PTPRS: variants seen among roughly 807,000 people sequenced by gnomAD.
The protein encoded by PTPRS is protein tyrosine phosphatase receptor type S.
A neutral mutation model predicts 215.3 loss-of-function variants in PTPRS; 63 were observed. That is an observed-to-expected ratio of 0.29 (90% CI 0.24 to 0.36). PTPRS has a LOEUF of 0.36. Among genes scored for constraint, PTPRS ranks in the 10% least tolerant of loss-of-function variants. The pLI is 1.00. For missense variants in PTPRS, 2,258 were observed against 2,825.8 expected (o/e 0.80, Z 4.56); for synonymous variants, 1,404 against 1,191.4 (o/e 1.18, Z -3.68).
intron 13 of PTPRS, among the ~76,000 whole-genome samples, chr19:5,234,943 CT>C (rs113097365): frequency 0.12 from 15,891 of 137,634 alleles, 906 homozygotes; most frequent in African/African-American, 0.2. Context: ...TTCTTTCTTT[CT>C]TTTTTTTTTT....
intron 8 of PTPRS, among the ~76,000 whole-genome samples, chr19:5,256,727 G>A (rs1005148624): frequency 2.6e-5 from 4 of 151,920 alleles, no homozygotes; most frequent in African/African-American, 9.7e-5. Context: ...CCCACCACCC[G>A]TCCATACACC....
intron 16 of PTPRS, 150 bp from the exon 17 acceptor site, chr19:5,225,994 C>T (rs770426971): frequency 1.1e-5 from 7 of 663,018 alleles, no homozygotes; most frequent in East Asian, 8.2e-5. Flanking sequence ...GACCACGACA[C>T]GTGGCATGGC....
intron 11 of PTPRS, 29 bp from the exon 12 acceptor site, chr19:5,240,361 G>C (rs779568032): frequency 6.4e-7 from 1 of 1,552,678 alleles, no homozygotes; most frequent in South Asian, 1.2e-5. Context: ...ACAACTAGGA[G>C]TCGGGGAGCG....
Position 5,244,578 on chromosome 19 carries a change from C to A in PTPRS, c.989-96G>T. ...TCACCATTCAGTCGCCTTCTCTGAG[C>A]CTTGATTTGCCCAGCAGTAATCATG... On this transcript the variant is annotated intron_variant, in intron 10 of 37. Transcript: ENST00000262963. This position sits in a 1 kb window ranked among gnomAD's most constrained non-coding sequence, Gnocchi z 7.2. 2.0e-6 allele frequency: 2 copies of A among 984,584 alleles called. No homozygotes were observed. The highest frequency in any genetic ancestry group is 2.6e-5 in the East Asian group (1 of 39,030). The allele number at this position is 984,584 out of a possible 1,614,324, so 61.0% of individuals were successfully genotyped here. A position where few individuals can be genotyped will look rare whatever the true frequency, so the allele number is the denominator to read the frequency against.
intron 1 of PTPRS, among the ~76,000 whole-genome samples, chr19:5,291,328 G>A (rs903913750): frequency 6.6e-6 from 1 of 152,076 alleles, no homozygotes; most frequent in Non-Finnish European, 1.5e-5. Context: ...CTCACCAAGG[G>A]TCCTGCATGG....
At chr19:5,225,514 G>A (rs1206251561) in intron 17 of PTPRS, among the ~76,000 whole-genome samples, 2 of 151,276 alleles carry the variant, frequency 1.3e-5, no homozygotes, top group Non-Finnish European at 3.0e-5. Flanking sequence ...CGGGGGGACA[G>A]GAAGTGAGTG....
intron 1 of PTPRS, among the ~76,000 whole-genome samples, chr19:5,304,593 G>T (rs1197410204): frequency 6.6e-6 from 1 of 152,216 alleles, no homozygotes; most frequent in African/African-American, 2.4e-5. Context: ...AGGTTGCAGT[G>T]AGCTGCGATC....
At chr19:5,233,976 A>AAAAAAAAAAAAAAC (rs1479396791) in intron 13 of PTPRS, among the ~76,000 whole-genome samples, 1 of 134,836 alleles carries the variant, frequency 7.4e-6, no homozygotes, top group Non-Finnish European at 1.6e-5. Context: ...AAAAAAAAAA[A>AAAAAAAAAAAAAAC]ATCTATATGT....
intron 1 of PTPRS, among the ~76,000 whole-genome samples, chr19:5,306,954 G>T (rs539337593): frequency 2.0e-5 from 3 of 152,286 alleles, no homozygotes; most frequent in South Asian, 4.2e-4. Flanking sequence ...AAGTACTCAC[G>T]GCAAAAGGCT....
chr19:5,223,851 C>G (rs938845160), intron 17 of PTPRS, among the ~76,000 whole-genome samples: 1 of 151,238 alleles, frequency 6.6e-6, no homozygotes, highest in Non-Finnish European at 1.5e-5. Context: ...TGTGAGCCAC[C>G]GTGCCCAGCC....
rs2049056167 is a variant in PTPRS at position 5,294,294 on chromosome 19, GAGAA to G, written c.-94-8064_-94-8061del. On this transcript the variant is annotated intron_variant, in intron 1 of 37. Transcript: ENST00000262963. The surrounding 1 kb of genome is among the most constrained non-coding windows in gnomAD (Gnocchi z 5.1). The stretch of plus-strand genomic sequence containing the variant: ...CCCCCATTCTGCAAAGAACGGAGCC[GAGAA>G]AGAGAGAGAAACGGCTGCCCACGGC... 1 of 152,518 alleles carries G rather than the reference GAGAA, an allele frequency of 6.6e-6. No individual in the cohort carries two copies. Among genetic ancestry groups the G allele is most frequent in the Admixed American group, 6.5e-5 (1 of 15,288 alleles). 9.4% of individuals were successfully genotyped at this position (152,518 alleles called of 1,614,324 possible).
chr19:5,296,275 G>A (rs1293370890), intron 1 of PTPRS, among the ~76,000 whole-genome samples: 1 of 152,206 alleles, frequency 6.6e-6, no homozygotes, highest in African/African-American at 2.4e-5. Context: ...GATGAGGAGG[G>A]AGGATCGCCT....
intron 1 of PTPRS, among the ~76,000 whole-genome samples, chr19:5,308,271 A>G (rs901450495): frequency 6.6e-6 from 1 of 152,158 alleles, no homozygotes; most frequent in African/African-American, 2.4e-5. Context: ...GTTTTGCTAA[A>G]TGGATGGGTG....
At chr19:5,249,695 C>G (rs1393026495) in intron 9 of PTPRS, among the ~76,000 whole-genome samples, 3 of 152,230 alleles carry the variant, frequency 2.0e-5, no homozygotes, top group Non-Finnish European at 4.4e-5. Flanking sequence ...TACCAAACTC[C>G]ATGTAATGGC....
chr19:5,217,168 G>C (rs568040991), intron 25 of PTPRS, among the ~76,000 whole-genome samples: 1 of 152,362 alleles, frequency 6.6e-6, no homozygotes, highest in East Asian at 1.9e-4. Flanking sequence ...CATGCCATGA[G>C]CTTCAAGGAG....
intron 28 of PTPRS, 86 bp downstream of exon 28, chr19:5,215,203 C>A: frequency 1.3e-6 from 2 of 1,555,602 alleles, no homozygotes; most frequent in Non-Finnish European, 8.8e-7. Flanking sequence ...CAGAATCAGG[C>A]CTCAGTGGCC....
chr19:5,280,822 C>T (rs1251382217), intron 2 of PTPRS, among the ~76,000 whole-genome samples: 2 of 151,490 alleles, frequency 1.3e-5, no homozygotes, highest in Non-Finnish European at 2.9e-5. Context: ...GATGGAGTCT[C>T]GCTCTGTTGC....
Position 5,257,371 on chromosome 19 carries a change from C to G in PTPRS, c.706+646G>C, listed in dbSNP as rs917688995. The G allele has an allele frequency of 4.4e-6, 2 of 451,672 alleles. No homozygotes were observed. Among genetic ancestry groups the G allele is most frequent in the African/African-American group, 4.0e-5 (2 of 49,808 alleles). The allele number at this position is 451,672 out of a possible 1,614,324, so 28.0% of individuals were successfully genotyped here. On this transcript the variant is annotated intron_variant, in intron 8 of 37. Transcript: ENST00000262963. The surrounding 1 kb of genome is among the most constrained non-coding windows in gnomAD (Gnocchi z 4.4). ...GCCCCAGCTCGGTGCAACTACCGAG[C>G]CCCCCGGGTGCCTGTGCCCGCTGTG...
chr19:5,223,430 G>C (rs910628321), intron 17 of PTPRS, 133 bp from the exon 18 acceptor site: 1 of 1,140,124 alleles, frequency 8.8e-7, no homozygotes, highest in African/African-American at 1.6e-5. Flanking sequence ...TTACTCTGTT[G>C]CCCAGCCTGG....
Sources: gnomAD v4.1 joint callset for allele counts (sites outside exome capture counted in the v4.1 genomes callset) on GRCh38, gnomAD v4.1.1 for gene constraint, Gnocchi (gnomAD v3.1) non-coding constraint, MANE v1.5 for transcripts, NCBI Gene and HGNC (gene_info 2026-07-23, HGNC 2026-07-21) for gene names.